Variants in ARHGAP40 observed in about 807,000 individuals in gnomAD.
ARHGAP40 encodes the protein Rho GTPase activating protein 40.
Under a neutral mutation model 73.5 loss-of-function variants are expected in ARHGAP40, and 43 were observed. The observed-to-expected ratio is 0.58, with a 90% CI of 0.46 to 0.75. The LOEUF is 0.75. Among genes scored for constraint, ARHGAP40 ranks in the 30% least tolerant of loss-of-function variants. ARHGAP40 has a pLI of 0.00. For missense variants in ARHGAP40, 734 were observed against 861.8 expected (o/e 0.85, Z 1.86); for synonymous variants, 300 against 352.8 (o/e 0.85, Z 1.68).
chr20:38,625,200 C>A (rs539837645), intron 2 of ARHGAP40, among the ~76,000 whole-genome samples: 4 of 152,236 alleles, frequency 2.6e-5, no homozygotes, highest in Non-Finnish European at 5.9e-5. Flanking sequence ...TCAGGAGATG[C>A]CCTGCATAGG....
At chr20:38,627,375 GGTGTGTGTGTTGGGGT>G (rs1363056356) in intron 3 of ARHGAP40, among the ~76,000 whole-genome samples, 160 bp downstream of exon 3, 2,192 of 148,434 alleles carry the variant, frequency 0.015, 46 homozygotes, top group African/African-American at 0.05. Context: ...TCTGTGTGTT[GGTGTGTGTGTTGGGGT>G]GTGTGTGTGT....
At chr20:38,645,493 G>A (rs2089045798) in intron 11 of ARHGAP40, among the ~76,000 whole-genome samples, 1 of 152,192 alleles carries the variant, frequency 6.6e-6, no homozygotes, top group South Asian at 2.1e-4. Context: ...CCTTTAGACA[G>A]CACACACATA....
chr20:38,639,401 G>A lies in ARHGAP40; in HGVS notation c.1279+15G>A. On this transcript the variant is annotated intron_variant, in intron 9 of 14. Coordinates refer to ENST00000373345, the Ensembl canonical transcript of ARHGAP40. ...CGTGGTGCCTAGTGAGTGTGCCCAA[G>A]CCCTTAGCCTGTGCAGGGATGGAGA... 1 of 1,303,642 alleles carries A rather than the reference G, an allele frequency of 7.7e-7. No homozygotes were observed. Among genetic ancestry groups the A allele is most frequent in the Non-Finnish European group, 1.0e-6 (1 of 987,416 alleles). 80.8% of individuals were successfully genotyped at this position (1,303,642 alleles called of 1,614,324 possible).
chr20:38,603,236 C>T (rs1416975088), intron 1 of ARHGAP40, among the ~76,000 whole-genome samples: 1 of 152,212 alleles, frequency 6.6e-6, no homozygotes, highest in African/African-American at 2.4e-5. Context: ...AAGGGAACAA[C>T]TTCTAGGCTC....
intron 1 of ARHGAP40, chr20:38,615,147 G>C: frequency 2.1e-6 from 2 of 954,462 alleles, no homozygotes; most frequent in South Asian, 1.3e-5. Flanking sequence ...GTCTGCCTTC[G>C]GGATGTTGTC....
chr20:38,635,941 T>C (rs943626974), intron 6 of ARHGAP40, among the ~76,000 whole-genome samples: 5 of 152,126 alleles, frequency 3.3e-5, no homozygotes, highest in African/African-American at 7.2e-5. Flanking sequence ...TGGCTGAGTG[T>C]AGGTCTGCTC....
intron 3 of ARHGAP40, among the ~76,000 whole-genome samples, chr20:38,627,571 AGT>A (rs1464780299): frequency 5.3e-5 from 3 of 56,766 alleles, no homozygotes; most frequent in African/African-American, 6.3e-5. Flanking sequence ...ATGTGTGTTG[AGT>A]GTGTGTGTTG....
intron 9 of ARHGAP40, among the ~76,000 whole-genome samples, chr20:38,639,758 G>T (rs1320102899): frequency 6.6e-6 from 1 of 152,242 alleles, no homozygotes; most frequent in Admixed American, 6.5e-5. Flanking sequence ...GCACACATGT[G>T]TGTGCATGTC....
Position 38,646,127 on chromosome 20 carries a change from C to T in ARHGAP40, c.1650C>T (p.Leu550=), listed in dbSNP as rs1049315622. 7.7e-7 allele frequency: 1 copy of T among 1,304,056 alleles called. No homozygotes were observed. Among genetic ancestry groups the T allele is most frequent in the African/African-American group, 1.5e-5 (1 of 65,876 alleles). 80.8% of individuals were successfully genotyped at this position (1,304,056 alleles called of 1,614,324 possible). ...GCCCCCAGCTCTGCGACGCAGGCCT[C>T]AAGACTTGGCTGCGGAGGATGCACG... The change falls in exon 12 of 15, where the codon CTC becomes CTT. Residue 550 remains leucine (L), a synonymous_variant. Transcript: ENST00000373345. The surrounding 1 kb of genome is among the most constrained non-coding windows in gnomAD (Gnocchi z 4.5).
In ARHGAP40 at chr20:38,639,479, G is replaced by A. The variant is rs545910343; in HGVS notation, c.1279+93G>A. The A allele has an allele frequency of 5.5e-5, 68 of 1,226,588 alleles. No individual in the cohort carries two copies. The African/African-American group carries it at 7.2e-4, about 13-fold the overall frequency. 76.0% of individuals were successfully genotyped at this position (1,226,588 alleles called of 1,614,324 possible). A position where few individuals can be genotyped will look rare whatever the true frequency, so the allele number is the denominator to read the frequency against. Reference sequence around the variant, plus strand: ...GGAAGCCATGCAAAGGCAGGACTCCGTGTTCCTGGAAATGTCTGTTCCAGA... The same window carrying A: ...GGAAGCCATGCAAAGGCAGGACTCCATGTTCCTGGAAATGTCTGTTCCAGA... On this transcript the variant is annotated intron_variant, in intron 9 of 14. Transcript: ENST00000373345.
Position 38,638,930 on chromosome 20 carries a change from C to T in ARHGAP40, c.1119+92C>T. The T allele has an allele frequency of 9.7e-6, 11 of 1,137,284 alleles. No homozygotes were observed. In the South Asian group the frequency reaches 1.4e-4, roughly 15 times the overall value. The allele number at this position is 1,137,284 out of a possible 1,614,324, so 70.4% of individuals were successfully genotyped here. On this transcript the variant is annotated intron_variant, in intron 8 of 14. Coordinates refer to ENST00000373345, the Ensembl canonical transcript of ARHGAP40. ...GGGAGGGAAACCAGTCCCTGACTCG[C>T]CAGTGATCTGTCTTTGGTCTCTGTG... is the stretch of plus-strand genomic sequence containing the variant.
At chr20:38,649,795 C>G (rs2089077410) in exon 15 of ARHGAP40, 1 of 1,305,276 alleles carries the variant, frequency 7.7e-7, no homozygotes, top group Non-Finnish European at 1.0e-6. Flanking sequence ...CCTCTTAGAT[C>G]TGTACCGTGC....
chr20:38,623,446 T>C (rs910530698), exon 2 of ARHGAP40: 3 of 1,290,854 alleles, frequency 2.3e-6, no homozygotes, highest in African/African-American at 1.5e-5. Context: ...GCTGTTCCAC[T>C]GGAGTGGAGA....
intron 13 of ARHGAP40, among the ~76,000 whole-genome samples, chr20:38,648,158 C>A (rs1201881258): frequency 2.0e-5 from 3 of 152,210 alleles, no homozygotes; most frequent in Non-Finnish European, 4.4e-5. Flanking sequence ...AAGGGACTTG[C>A]CTTAGGCCAC....
At chr20:38,611,744 T>G (rs1173597506) in intron 1 of ARHGAP40, among the ~76,000 whole-genome samples, 3 of 151,942 alleles carry the variant, frequency 2.0e-5, no homozygotes, top group Non-Finnish European at 4.4e-5. Context: ...GCTAATTTTT[T>G]TGTGTGTTTT....
chr20:38,603,453 C>G (rs2088751020), intron 1 of ARHGAP40, among the ~76,000 whole-genome samples: 1 of 146,854 alleles, frequency 6.8e-6, no homozygotes, highest in African/African-American at 2.7e-5. Flanking sequence ...ATCTATCTAT[C>G]TATCTATCTA....
At chr20:38,623,428 C>T in exon 2 of ARHGAP40, 1 of 1,290,960 alleles carries the variant, frequency 7.7e-7, no homozygotes, top group Non-Finnish European at 1.0e-6. Context: ...ACCCTGCTGG[C>T]TCTGCTGGCT....
intron 4 of ARHGAP40, 51 bp downstream of exon 4, chr20:38,629,053 A>G: frequency 1.6e-6 from 2 of 1,249,180 alleles, no homozygotes; most frequent in Non-Finnish European, 2.1e-6. Context: ...GGCTGCATAA[A>G]GGGCTGCTCT....
chr20:38,644,282 A>G (rs1289767219), intron 11 of ARHGAP40, among the ~76,000 whole-genome samples: 1 of 152,054 alleles, frequency 6.6e-6, no homozygotes, highest in Non-Finnish European at 1.5e-5. Context: ...ACCAGATAAC[A>G]GGGATACCCC....
Sources: allele counts gnomAD v4.1 joint callset (sites outside exome capture counted in the v4.1 genomes callset), GRCh38; gene constraint gnomAD v4.1.1; non-coding constraint Gnocchi (gnomAD v3.1); transcripts MANE v1.5; gene names NCBI Gene and HGNC (gene_info 2026-07-23, HGNC 2026-07-21).